XPO4: variants seen among roughly 807,000 people sequenced by gnomAD.
XPO4 encodes the protein exportin 4, also known as exportin-4.
Under a neutral mutation model 143.0 loss-of-function variants are expected in XPO4, and 39 were observed. The ratio of observed to expected loss-of-function variants is 0.27; its 90% confidence interval spans 0.21 to 0.36. XPO4 has a LOEUF of 0.36. Ranked by LOEUF, XPO4 falls within the 10% of genes least tolerant of loss-of-function variation. XPO4 has a pLI of 1.00. For synonymous variants in XPO4, 439 were observed against 474.0 expected, an observed-to-expected ratio of 0.93 and a Z score of 0.96; for missense variants, 907 against 1,348.0, an observed-to-expected ratio of 0.67 and a Z score of 5.12.
chr13:20,784,329 A>G (rs778672690), intron 22 of XPO4, among the ~76,000 whole-genome samples: 1 of 152,198 alleles, frequency 6.6e-6, no homozygotes, highest in Non-Finnish European at 1.5e-5. Context: ...AGTTCCCCAG[A>G]GGTTAATAGA....
At chr13:20,836,114 T>G (rs529307606) in intron 6 of XPO4, among the ~76,000 whole-genome samples, 2 of 152,320 alleles carry the variant, frequency 1.3e-5, no homozygotes, top group South Asian at 4.1e-4. Flanking sequence ...AAAGTTATAC[T>G]GGAATTTTTG....
At chr13:20,820,169 T>C (rs1234912959) in intron 9 of XPO4, among the ~76,000 whole-genome samples, 1 of 152,252 alleles carries the variant, frequency 6.6e-6, no homozygotes, top group Non-Finnish European at 1.5e-5. Flanking sequence ...TCATCTTCAC[T>C]AGAGCACGCC....
At chr13:20,859,196 C>T (rs931961000) in intron 3 of XPO4, among the ~76,000 whole-genome samples, 3 of 151,394 alleles carry the variant, frequency 2.0e-5, no homozygotes, top group Non-Finnish European at 4.4e-5. Context: ...AGGCTGGGCA[C>T]GGTGGCTCAC....
At chr13:20,862,337 T>C (rs1336883886) in intron 3 of XPO4, among the ~76,000 whole-genome samples, 1 of 152,088 alleles carries the variant, frequency 6.6e-6, no homozygotes, top group Non-Finnish European at 1.5e-5. Context: ...CAACACAACC[T>C]TTTCAAAGAA....
intron 3 of XPO4, chr13:20,856,792 C>A: frequency 1.0e-6 from 1 of 965,940 alleles, no homozygotes; most frequent in Non-Finnish European, 1.2e-6. Flanking sequence ...CCTCACTCCA[C>A]ACTCTTTTGA....
chr13:20,869,605 T>C lies in XPO4; in HGVS notation c.70-904A>G, dbSNP rs903339272. 3.9e-6 allele frequency: 3 copies of C among 770,228 alleles called. No homozygotes were observed. In the African/African-American group the frequency reaches 5.7e-5, roughly 15 times the overall value. The allele number at this position is 770,228 out of a possible 1,614,324, so 47.7% of individuals were successfully genotyped here. ...TCAATTATATTAGATCAACACTCAT[T>C]ATAAATTATATCAATTATGCAACAT... On this transcript the variant is annotated intron_variant, in intron 1 of 22. Transcript: ENST00000255305.
chr13:20,799,590 T>C (rs894793480), intron 15 of XPO4, among the ~76,000 whole-genome samples: 3 of 152,180 alleles, frequency 2.0e-5, no homozygotes, highest in African/African-American at 7.2e-5. Context: ...ATAGGAATAA[T>C]AACAGTCTCC....
At position 20,873,017 on chromosome 13, in the gene XPO4, C is replaced by T. The variant is rs569342347; in HGVS notation, c.70-4316G>A. Among the ~76,000 whole-genome samples, 13 of 150,650 alleles carry T rather than the reference C, an allele frequency of 8.6e-5. No individual in the cohort carries two copies. In the East Asian group the frequency reaches 1.6e-3, roughly 18 times the overall value. On this transcript the variant is annotated intron_variant, in intron 1 of 22. Coordinates refer to ENST00000255305, the MANE Select transcript of XPO4 (RefSeq NM_022459.5). The stretch of plus-strand genomic sequence containing the variant: ...AGTAAAAGCTTAAAAAGGCTTCACA[C>T]TTCAGAGATGGAATCCCATAAATCA...
At chr13:20,791,514 C>T (rs957949049) in intron 18 of XPO4, among the ~76,000 whole-genome samples, 29 of 152,162 alleles carry the variant, frequency 1.9e-4, no homozygotes, top group Non-Finnish European at 3.8e-4. Context: ...TGGAATGCCA[C>T]ATAACCATTA....
chr13:20,811,535 G>A (rs911436252), intron 9 of XPO4, among the ~76,000 whole-genome samples: 5 of 152,020 alleles, frequency 3.3e-5, no homozygotes, highest in Non-Finnish European at 7.4e-5. Context: ...GGATCCTCCT[G>A]CCTCAGTCTC....
rs756789109 is a variant in XPO4, at chr13:20,808,540, T to C, written c.1535A>G (p.Gln512Arg). Residue 512 changes from glutamine (Q) to arginine (R), a missense_variant, in exon 12 of 23, where the codon CAA becomes CGA. Gln to Arg is a conservative substitution (Grantham distance 43). Transcript: ENST00000255305. ...ERVTRLHGQL[Q>R]RHQQQLLASP... The stretch of plus-strand genomic sequence containing the variant: ...AGCAAGTAACTGTTGCTGATGTCGT[T>C]GTAACTGACCATGGAGTCTTGTTAC... 2.6e-6 allele frequency: 4 copies of C among 1,564,696 alleles called. No homozygotes were observed. The highest frequency in any genetic ancestry group is 2.7e-5 in the African/African-American group (2 of 74,594).
intron 6 of XPO4, among the ~76,000 whole-genome samples, chr13:20,827,460 G>A (rs962913140): frequency 1.7e-4 from 26 of 152,098 alleles, no homozygotes; most frequent in African/African-American, 6.3e-4. Context: ...ATTTAATGGT[G>A]GCAACAGAAG....
rs2059463600 is a variant in XPO4, at chr13:20,803,551, T to C, written c.1818-2561A>G. On this transcript the variant is annotated intron_variant, in intron 13 of 22. Coordinates refer to ENST00000255305, the MANE Select transcript of XPO4 (RefSeq NM_022459.5). This position sits in a 1 kb window ranked among gnomAD's most constrained non-coding sequence, Gnocchi z 4.1. ...TCCCAAGACTACGTAGGAAAATGCT[T>C]CCTAACTTGCCTTGTCACCCTTTAA... 6.6e-6 allele frequency among the ~76,000 whole-genome samples: 1 copy of C among 152,140 alleles called. No homozygotes were observed. The highest frequency in any genetic ancestry group is 2.4e-5 in the African/African-American group (1 of 41,420).
Position 20,782,988 on chromosome 13 carries a change from G to C in XPO4, c.*734C>G, listed in dbSNP as rs774927160. Reference sequence around the variant, plus strand: ...GTGAGAGAGAGAGAGAAAAGAAAGAGAGAGACAGAAAGCAAGAAAAGCAAG... The same window carrying C: ...GTGAGAGAGAGAGAGAAAAGAAAGACAGAGACAGAAAGCAAGAAAAGCAAG... On this transcript the variant is annotated 3_prime_UTR_variant, in exon 23 of 23. Transcript: ENST00000255305. The C allele has an allele frequency of 6.6e-6, 1 of 152,460 alleles. No individual in the cohort carries two copies. Among genetic ancestry groups the C allele is most frequent in the Admixed American group, 6.6e-5 (1 of 15,262 alleles). The allele number at this position is 152,460 out of a possible 1,614,324, so 9.4% of individuals were successfully genotyped here. A position where few individuals can be genotyped will look rare whatever the true frequency, so the allele number is the denominator to read the frequency against.
intron 1 of XPO4, among the ~76,000 whole-genome samples, chr13:20,882,025 G>A (rs769210283): frequency 8.7e-5 from 13 of 149,908 alleles, no homozygotes; most frequent in Admixed American, 3.4e-4. Flanking sequence ...CAGGAGAATC[G>A]CTTGAACCTG....
chr13:20,827,258 C>G, intron 6 of XPO4, 79 bp from the exon 7 acceptor site: 2 of 1,016,990 alleles, frequency 2.0e-6, no homozygotes, highest in Non-Finnish European at 3.1e-6. Context: ...ATAACAGGAG[C>G]CATCTAGAAA....
intron 9 of XPO4, 65 bp from the exon 10 acceptor site, chr13:20,810,032 T>C (rs1448241385): frequency 3.0e-6 from 4 of 1,318,758 alleles, no homozygotes; most frequent in Non-Finnish European, 4.1e-6. Context: ...ACAACAGTCA[T>C]ATAAATACAT....
chr13:20,856,346 A>G (rs1468519914), intron 3 of XPO4: 4 of 985,292 alleles, frequency 4.1e-6, no homozygotes, highest in African/African-American at 3.5e-5. Context: ...CAAAATGTTC[A>G]TATCTAGGTT....
At chr13:20,788,700 C>T in intron 19 of XPO4, 84 bp from the exon 20 acceptor site, 2 of 1,267,866 alleles carry the variant, frequency 1.6e-6, no homozygotes, top group Non-Finnish European at 1.1e-6. Context: ...AAGTAACTGA[C>T]AAGCTTCTAA....
Sources: gnomAD v4.1 joint callset for allele counts (sites outside exome capture counted in the v4.1 genomes callset) on GRCh38, gnomAD v4.1.1 for gene constraint, Gnocchi (gnomAD v3.1) non-coding constraint, MANE v1.5 for transcripts, NCBI Gene and HGNC (gene_info 2026-07-23, HGNC 2026-07-21) for gene names.